The following KCNK10 variants were observed in gnomAD, a reference collection of about 807,000 sequenced individuals.
KCNK10 encodes potassium two pore domain channel subfamily K member 10.
Under a neutral mutation model 47.7 loss-of-function variants are expected in KCNK10, and 25 were observed. The observed-to-expected ratio is 0.52, with a 90% CI of 0.38 to 0.73. The LOEUF (loss-of-function observed/expected upper bound fraction) is 0.73, where lower values mean the gene tolerates loss of function less well. Ranked by LOEUF, KCNK10 falls within the 30% of genes least tolerant of loss-of-function variation. KCNK10 has a pLI of 0.00. For synonymous variants in KCNK10, 303 were observed against 285.6 expected, an observed-to-expected ratio of 1.06 and a Z score of -0.61; for missense variants, 563 against 714.5, an observed-to-expected ratio of 0.79 and a Z score of 2.42.
intron 4 of KCNK10, among the ~76,000 whole-genome samples, chr14:88,192,802 T>C (rs1443675722): frequency 6.6e-6 from 1 of 152,222 alleles, no homozygotes; most frequent in African/African-American, 2.4e-5. Context: ...TGATCCACCA[T>C]TCGTGAGAAT....
chr14:88,313,832 T>C (rs982592153), intron 1 of KCNK10, among the ~76,000 whole-genome samples: 4 of 152,210 alleles, frequency 2.6e-5, no homozygotes, highest in African/African-American at 9.6e-5. Context: ...TACAGTAACA[T>C]GCTAACGTGC....
At chr14:88,236,649 A>G (rs1886309770) in intron 3 of KCNK10, among the ~76,000 whole-genome samples, 1 of 152,260 alleles carries the variant, frequency 6.6e-6, no homozygotes, top group Non-Finnish European at 1.5e-5. Context: ...ATTGTGAGTT[A>G]GACTTCAGAC....
rs545408853 is a variant in KCNK10 at position 88,240,272 on chromosome 14, A to G, written c.520+431T>C. 5.9e-5 allele frequency among the ~76,000 whole-genome samples: 9 copies of G among 152,362 alleles called. 1 individual carries two copies. In the South Asian group the frequency reaches 1.9e-3, roughly 32 times the overall value. ...ATGGGGATGAGTGTTAAAATCAACA[A>G]TCAAAACAGATGAAAGCAACAGTCT... On this transcript the variant is annotated intron_variant, in intron 3 of 6. Transcript: ENST00000319231.
chr14:88,247,557 G>A (rs879580889), intron 2 of KCNK10, among the ~76,000 whole-genome samples: 1 of 152,228 alleles, frequency 6.6e-6, no homozygotes, highest in East Asian at 1.9e-4. Flanking sequence ...CAGGCAGCAA[G>A]TTTTCATTAG....
Position 88,187,978 on chromosome 14 carries a change from T to C in KCNK10, c.1000A>G (p.Thr334Ala). 1.2e-6 allele frequency: 2 copies of C among 1,613,986 alleles called. No individual in the cohort carries two copies. The change falls in exon 6 of 7, where the codon ACA (threonine) becomes GCA (alanine). Residue 334 changes from threonine to alanine, a missense_variant. Thr to Ala is a moderately conservative substitution (Grantham distance 58). Transcript: ENST00000319231. ...GDWLRVLSKK[T>A]KEEVGEIKAH... ...GGAAGGGGTCCTACCTCTTCTTTTG[T>C]CTTTTTGGACAGAACCCGTAGCCAA...
chr14:88,222,690 G>T (rs1885856544), intron 4 of KCNK10, among the ~76,000 whole-genome samples: 1 of 152,138 alleles, frequency 6.6e-6, no homozygotes, highest in Non-Finnish European at 1.5e-5. Context: ...CCTCCATTTT[G>T]CTGTGAATAT....
At chr14:88,247,787 C>A (rs1886686329) in intron 2 of KCNK10, among the ~76,000 whole-genome samples, 1 of 152,178 alleles carries the variant, frequency 6.6e-6, no homozygotes, top group Non-Finnish European at 1.5e-5. Context: ...CTTGGGTATT[C>A]ACTAACGACT....
chr14:88,276,108 G>T (rs11851612), intron 1 of KCNK10, among the ~76,000 whole-genome samples: 1 of 151,748 alleles, frequency 6.6e-6, no homozygotes, highest in Non-Finnish European at 1.5e-5. Context: ...CAGTTGAAGC[G>T]ATTACTGCTA....
intron 3 of KCNK10, among the ~76,000 whole-genome samples, chr14:88,236,134 A>G (rs1422730526): frequency 2.6e-5 from 4 of 152,132 alleles, no homozygotes; most frequent in Non-Finnish European, 5.9e-5. Context: ...TGGGCAACAC[A>G]GCAAGACCTG....
chr14:88,317,078 T>A (rs750359562), intron 1 of KCNK10, among the ~76,000 whole-genome samples: 6 of 152,190 alleles, frequency 3.9e-5, no homozygotes, highest in Non-Finnish European at 8.8e-5. Context: ...TAGACACTGC[T>A]GGAAAAGAAG....
intron 1 of KCNK10, among the ~76,000 whole-genome samples, chr14:88,304,179 G>C (rs116426028): frequency 6.6e-6 from 1 of 152,058 alleles, no homozygotes; most frequent in South Asian, 2.1e-4. Context: ...GCCAGGTGTG[G>C]TGGCATGTTC....
intron 6 of KCNK10, 105 bp downstream of exon 6, chr14:88,187,862 A>C: frequency 7.9e-5 from 93 of 1,181,870 alleles, no homozygotes; most frequent in East Asian, 1.4e-4. Context: ...CTCCCCCTGC[A>C]AAACCGAGCC....
chr14:88,324,668 A>G (rs1404134583), upstream of KCNK10, among the ~76,000 whole-genome samples: 2 of 152,122 alleles, frequency 1.3e-5, no homozygotes, highest in Non-Finnish European at 2.9e-5. Flanking sequence ...TTACTTACGC[A>G]TAGAAATTGC....
chr14:88,187,997 T>C lies in KCNK10; in HGVS notation c.981A>G (p.Leu327=). ...CTTTTGTCTTTTTGGACAGAACCCG[T>C]AGCCAATCTCCGATCATACTGAGGA... is the stretch of plus-strand genomic sequence containing the variant. ...AAVLSMIGDW[L]RVLSKKTKEE... Residue 327 remains leucine (L), a synonymous_variant, in exon 6 of 7, where the codon CTA becomes CTG. Coordinates refer to ENST00000319231, the MANE Select transcript of KCNK10 (RefSeq NM_138317.3). The C allele has an allele frequency of 6.2e-7, 1 of 1,614,154 alleles. No individual in the cohort carries two copies. Among genetic ancestry groups the C allele is most frequent in the Non-Finnish European group, 8.5e-7 (1 of 1,180,032 alleles).
intron 4 of KCNK10, among the ~76,000 whole-genome samples, chr14:88,197,237 T>C (rs1011097286): frequency 8.5e-5 from 13 of 152,128 alleles, no homozygotes; most frequent in African/African-American, 3.1e-4. Flanking sequence ...TAAATTGTTT[T>C]TATCACTAGA....
chr14:88,199,730 C>T (rs889496775), intron 4 of KCNK10, among the ~76,000 whole-genome samples: 3 of 152,198 alleles, frequency 2.0e-5, no homozygotes, highest in African/African-American at 4.8e-5. Flanking sequence ...TGATCCCTAT[C>T]CCCACTCCCA....
intron 1 of KCNK10, among the ~76,000 whole-genome samples, chr14:88,277,918 G>A (rs1887561061): frequency 6.6e-6 from 1 of 152,192 alleles, no homozygotes; most frequent in South Asian, 2.1e-4. Flanking sequence ...GCCCCTTGAA[G>A]GTGGACCTTT....
At chr14:88,262,182 C>T (rs1181563879) in intron 2 of KCNK10, among the ~76,000 whole-genome samples, 1 of 152,162 alleles carries the variant, frequency 6.6e-6, no homozygotes, top group Non-Finnish European at 1.5e-5. Context: ...CTCCACCTTC[C>T]AAACTTTAGA....
At chr14:88,219,781 C>T (rs1885737264) in intron 4 of KCNK10, among the ~76,000 whole-genome samples, 1 of 152,126 alleles carries the variant, frequency 6.6e-6, no homozygotes, top group Non-Finnish European at 1.5e-5. Context: ...GAGCTCCAGC[C>T]CCACCGCCCC....
Sources: gnomAD v4.1 joint callset for allele counts (sites outside exome capture counted in the v4.1 genomes callset) on GRCh38, gnomAD v4.1.1 for gene constraint, MANE v1.5 for transcripts, NCBI Gene and HGNC (gene_info 2026-07-23, HGNC 2026-07-21) for gene names.